MAF: variants seen among roughly 807,000 people sequenced by gnomAD.
MAF encodes the protein MAF bZIP transcription factor.
In MAF, 10 loss-of-function variants were observed where a neutral mutation model predicts 22.0. The ratio of observed to expected loss-of-function variants is 0.45; its 90% confidence interval spans 0.28 to 0.77. The LOEUF is 0.77. Among genes scored for constraint, MAF ranks in the 30% least tolerant of loss-of-function variants. MAF has a pLI of 0.12. For synonymous variants in MAF, 337 were observed against 255.8 expected, an observed-to-expected ratio of 1.32 and a Z score of -3.03; for missense variants, 544 against 548.4, an observed-to-expected ratio of 0.99 and a Z score of 0.08.
At chr16:79,584,400 C>T (rs1320357864), downstream of MAF, among the ~76,000 whole-genome samples, 1 of 152,206 alleles carries the variant, frequency 6.6e-6, no homozygotes, top group Admixed American at 6.5e-5. Context: ...AATTGTCCTT[C>T]TCCTCCCCAG....
At chr16:79,440,137 C>T in the MAF span, among the ~76,000 whole-genome samples, 2 of 152,318 alleles carry the variant, frequency 1.3e-5, no homozygotes, top group South Asian at 4.1e-4. Context: ...GCACCACTAC[C>T]ACCTGGATGC....
At chr16:79,523,997 G>T in the MAF span, among the ~76,000 whole-genome samples, 2 of 152,124 alleles carry the variant, frequency 1.3e-5, no homozygotes, top group African/African-American at 4.8e-5. Flanking sequence ...ATTACCCCAA[G>T]CCATCCAGTA....
the MAF span, among the ~76,000 whole-genome samples, chr16:79,433,118 T>C: frequency 1.3e-5 from 2 of 152,144 alleles, no homozygotes; most frequent in South Asian, 4.1e-4. Context: ...CCACATATCA[T>C]GGTCCCTTTG....
At chr16:79,526,651 AC>A in the MAF span, among the ~76,000 whole-genome samples, 1 of 152,186 alleles carries the variant, frequency 6.6e-6, no homozygotes, top group East Asian at 1.9e-4. Flanking sequence ...GGGGCAAAAA[AC>A]AAAACAAAAC....
At chr16:79,469,678 C>A in the MAF span, among the ~76,000 whole-genome samples, 1 of 152,080 alleles carries the variant, frequency 6.6e-6, no homozygotes, top group Non-Finnish European at 1.5e-5. Context: ...CTCACTGCAA[C>A]CTCTACCTCC....
chr16:79,244,442 A>T, the MAF span, among the ~76,000 whole-genome samples: 1 of 152,084 alleles, frequency 6.6e-6, no homozygotes, highest in African/African-American at 2.4e-5. Context: ...AGAGAGCCAA[A>T]TCATTAGTGA....
At chr16:79,442,744 A>T in the MAF span, among the ~76,000 whole-genome samples, 1 of 152,206 alleles carries the variant, frequency 6.6e-6, no homozygotes, top group Non-Finnish European at 1.5e-5. Context: ...TCCATCTCCC[A>T]GTAGCCAGTG....
chr16:79,291,676 G>C, the MAF span, among the ~76,000 whole-genome samples: 1 of 151,044 alleles, frequency 6.6e-6, no homozygotes, highest in Non-Finnish European at 1.5e-5. Flanking sequence ...CTACCCATGA[G>C]TTATTGGGTA....
chr16:79,485,441 G>C, the MAF span, among the ~76,000 whole-genome samples: 5 of 152,070 alleles, frequency 3.3e-5, no homozygotes, highest in African/African-American at 7.2e-5. Flanking sequence ...CAGATGCTCT[G>C]ACTCTCCAAA....
the MAF span, among the ~76,000 whole-genome samples, chr16:79,451,815 G>A: frequency 6.6e-6 from 1 of 152,202 alleles, no homozygotes; most frequent in South Asian, 2.1e-4. Context: ...CTAGACTTTT[G>A]CTATGCCTAA....
the MAF span, among the ~76,000 whole-genome samples, chr16:79,215,227 C>T: frequency 6.6e-6 from 1 of 152,148 alleles, no homozygotes; most frequent in Non-Finnish European, 1.5e-5. Flanking sequence ...TGACTATATC[C>T]ATTCTGGTAG....
At chr16:79,446,813 CAGGAGGATCA>C in the MAF span, among the ~76,000 whole-genome samples, 1 of 151,714 alleles carries the variant, frequency 6.6e-6, no homozygotes, top group East Asian at 1.9e-4. Flanking sequence ...GGTTGCGAGT[CAGGAGGATCA>C]CTTGAGCCAA....
At chr16:79,595,411 A>G (rs1254982953) in intron 1 of MAF, 4 of 1,053,970 alleles carry the variant, frequency 3.8e-6, no homozygotes, top group South Asian at 4.6e-5. Flanking sequence ...TTGCAATATT[A>G]TCTTTTTTTC....
At chr16:79,513,976 C>T in the MAF span, among the ~76,000 whole-genome samples, 9 of 152,160 alleles carry the variant, frequency 5.9e-5, no homozygotes, top group African/African-American at 2.2e-4. Flanking sequence ...ATAAAAAGAA[C>T]ACCTTCCCCC....
chr16:79,562,377 C>A, the MAF span, among the ~76,000 whole-genome samples: 2 of 152,056 alleles, frequency 1.3e-5, no homozygotes, highest in African/African-American at 4.8e-5. Flanking sequence ...TGATGTGACC[C>A]GTGAATGAAT....
At chr16:79,556,884 G>C in the MAF span, among the ~76,000 whole-genome samples, 1 of 152,054 alleles carries the variant, frequency 6.6e-6, no homozygotes, top group Non-Finnish European at 1.5e-5. Context: ...TTATAATAGT[G>C]CTTGGTATGA....
the MAF span, among the ~76,000 whole-genome samples, chr16:79,476,327 G>C: frequency 1.3e-5 from 2 of 152,196 alleles, no homozygotes; most frequent in Admixed American, 6.5e-5. Context: ...ATAAAACTGT[G>C]GGATAATATA....
At chr16:79,252,381 A>G in the MAF span, among the ~76,000 whole-genome samples, 2 of 152,194 alleles carry the variant, frequency 1.3e-5, no homozygotes, top group Non-Finnish European at 2.9e-5. Context: ...TTCCCCTCAA[A>G]ATGTAAAACG....
At chr16:79,407,584 C>T in the MAF span, among the ~76,000 whole-genome samples, 1 of 152,112 alleles carries the variant, frequency 6.6e-6, no homozygotes, top group African/African-American at 2.4e-5. Flanking sequence ...ACATCATGGC[C>T]ATGGCACGAC....
Sources: gnomAD v4.1 joint callset for allele counts (sites outside exome capture counted in the v4.1 genomes callset) on GRCh38, gnomAD v4.1.1 for gene constraint, MANE v1.5 for transcripts, NCBI Gene and HGNC (gene_info 2026-07-23, HGNC 2026-07-21) for gene names.